Variants in IL5 observed in about 807,000 individuals in gnomAD.
IL5 encodes interleukin 5, also known as interleukin-5.
Under a neutral mutation model 16.3 loss-of-function variants are expected in IL5, and 12 were observed. The ratio of observed to expected loss-of-function variants is 0.74; its 90% CI spans 0.47 to 1.20. IL5 has a LOEUF of 1.20. Among genes scored for constraint, IL5 ranks in the 50% most tolerant of loss-of-function variants. IL5 has a pLI of 0.00. For missense variants in IL5, 159 were observed against 153.9 expected (o/e 1.03, Z -0.17); for synonymous variants, 54 against 56.6 (o/e 0.95, Z 0.21).
intron 1 of IL5, among the ~76,000 whole-genome samples, chr5:132,552,688 T>G (rs1257180273): frequency 6.6e-6 from 1 of 152,174 alleles, no homozygotes; most frequent in Non-Finnish European, 1.5e-5. Context: ...AAAAGATCAT[T>G]TTCTTACATA....
upstream of IL5, among the ~76,000 whole-genome samples, chr5:132,546,096 C>T (rs977531006): frequency 6.6e-6 from 1 of 152,202 alleles, no homozygotes; most frequent in African/African-American, 2.4e-5. Context: ...TATTGGAAGG[C>T]TAGTTATAAA....
At chr5:132,550,329 T>TC (rs2149826276) in intron 1 of IL5, among the ~76,000 whole-genome samples, 1 of 151,246 alleles carries the variant, frequency 6.6e-6, no homozygotes, top group East Asian at 1.9e-4. Context: ...AGAAATCTTT[T>TC]TTTTTTTTTT....
In IL5 at chr5:132,541,752, C is replaced by T; in HGVS notation, c.*59G>A. On this transcript the variant is annotated 3_prime_UTR_variant, in exon 4 of 4. Coordinates refer to ENST00000231454, the MANE Select transcript of IL5 (RefSeq NM_000879.3). ...CTGACTCTTTCTTGGCCCTCATTCT[C>T]ACTGCAGTAAAATGTCCTTCTCCTC... 1 of 1,037,888 alleles carries T rather than the reference C, an allele frequency of 9.6e-7. No homozygotes were observed. Among genetic ancestry groups the T allele is most frequent in the East Asian group, 2.4e-5 (1 of 41,910 alleles). 64.3% of individuals were successfully genotyped at this position (1,037,888 alleles called of 1,614,324 possible).
intron 1 of IL5, 75 bp from the exon 2 acceptor site, chr5:132,543,201 G>C (rs1324303831): frequency 3.4e-6 from 5 of 1,465,910 alleles, no homozygotes; most frequent in Non-Finnish European, 4.8e-6. Flanking sequence ...GTTTGCTGGT[G>C]ATGTAGTTAT....
chr5:132,544,488 A>G (rs780121223), upstream of IL5, among the ~76,000 whole-genome samples: 1 of 152,246 alleles, frequency 6.6e-6, no homozygotes, highest in Non-Finnish European at 1.5e-5. Flanking sequence ...TATCTGTCAC[A>G]GATACACAAT....
Position 132,543,111 on chromosome 5 carries a change from C to T in IL5, c.160G>A (p.Val54Ile). The T allele has an allele frequency of 1.9e-6, 3 of 1,605,788 alleles. No individual in the cohort carries two copies. Among genetic ancestry groups the T allele is most frequent in the Non-Finnish European group, 2.6e-6 (3 of 1,173,202 alleles). ...LIANETLRIP[V>I]PVHKNHQLCT... The stretch of plus-strand genomic sequence containing the variant: ...TAACTTACATTTTTATGTACAGGAA[C>T]AGGAATCCTCAGAGTCTGGAGAGGA... The change falls in exon 2 of 4, where the codon GTT becomes ATT. Residue 54 changes from valine to isoleucine, a missense_variant. Val to Ile is a conservative substitution (Grantham distance 29, BLOSUM62 3). Transcript: ENST00000231454.
At chr5:132,552,276 A>C (rs562859323) in intron 1 of IL5, among the ~76,000 whole-genome samples, 47 of 152,230 alleles carry the variant, frequency 3.1e-4, no homozygotes, top group African/African-American at 6.7e-4. Flanking sequence ...TCAAAAACAA[A>C]AACAACAACA....
chr5:132,550,990 T>C (rs1430985595), intron 1 of IL5, among the ~76,000 whole-genome samples: 2 of 152,244 alleles, frequency 1.3e-5, no homozygotes, highest in Non-Finnish European at 2.9e-5. Flanking sequence ...ACAGTCCTTG[T>C]ATTGTTCAGA....
In IL5 at chr5:132,541,660, G is replaced by T; in HGVS notation, c.*151C>A. On this transcript the variant is annotated 3_prime_UTR_variant, in exon 4 of 4. Transcript: ENST00000231454. The stretch of plus-strand genomic sequence containing the variant: ...TATTTTAAGAATTTTATGCTTTCTG[G>T]CAAAGTGTCAGTATGCCTGAAATAT... 7.9e-6 allele frequency: 4 copies of T among 504,510 alleles called. No homozygotes were observed. The highest frequency in any genetic ancestry group is 3.7e-5 in the South Asian group (1 of 27,290). 31.3% of individuals were successfully genotyped at this position (504,510 alleles called of 1,614,324 possible). A position where few individuals can be genotyped will look rare whatever the true frequency, so the allele number is the denominator to read the frequency against.
At position 132,541,903 on chromosome 5, in the gene IL5, A is replaced by G. The variant is rs1255152928; in HGVS notation, c.313T>C (p.Cys105Arg). ...TTTACTCTCCGTCTTTCTTCTCCAC[A>G]CTTTTTCTGTGAAAAAAGAAAAATG... ...KKYIDGQKKK[C>R]GEERRRVNQF... is the part of the protein sequence containing the mutation. Residue 105 changes from cysteine to arginine, a missense_variant, in exon 4 of 4, where the codon TGT (cysteine) becomes CGT (arginine). Cys to Arg is a radical substitution (Grantham distance 180). Transcript: ENST00000231454. The G allele has an allele frequency of 3.1e-6, 5 of 1,613,296 alleles. No homozygotes were observed. Among genetic ancestry groups the G allele is most frequent in the Admixed American group, 1.7e-5 (1 of 59,952 alleles).
intron 1 of IL5, chr5:132,556,217 T>C (rs957964334): frequency 6.6e-6 from 1 of 152,244 alleles, no homozygotes; most frequent in Admixed American, 6.5e-5. Flanking sequence ...GTAATTTTTA[T>C]GTATGTTTCT....
chr5:132,554,448 G>T (rs1749939369), intron 1 of IL5, among the ~76,000 whole-genome samples: 2 of 150,744 alleles, frequency 1.3e-5, no homozygotes, highest in Admixed American at 6.6e-5. Context: ...CACATGAAAT[G>T]ATGCTACTAA....
Position 132,542,088 on chromosome 5 carries a change from GTT to G in IL5, c.231_232del (p.Gln77HisfsTer22). ...TCTTTCCACAGTACCCCCTTGCACAGTTTGACTCTCCAGTGTGCCTATTCCCT... is the reference window on the plus strand; with the variant it reads ...TCTTTCCACAGTACCCCCTTGCACAGTGACTCTCCAGTGTGCCTATTCCCT... On this transcript the variant is annotated frameshift_variant, in exon 3 of 4. Transcript: ENST00000231454. LOFTEE classifies it high-confidence loss of function. 6.2e-7 allele frequency: 1 copy of G among 1,613,042 alleles called. No individual in the cohort carries two copies. Among genetic ancestry groups the G allele is most frequent in the Non-Finnish European group, 8.5e-7 (1 of 1,179,204 alleles).
At chr5:132,552,294 C>A (rs1986009) in intron 1 of IL5, among the ~76,000 whole-genome samples, 24,963 of 151,876 alleles carry the variant, frequency 0.16, 2,334 homozygotes, top group Non-Finnish European at 0.21. Context: ...ACAACAACAA[C>A]AAAAAACAAA....
At chr5:132,542,610 A>G (rs1167890352) in intron 2 of IL5, among the ~76,000 whole-genome samples, 2 of 152,220 alleles carry the variant, frequency 1.3e-5, no homozygotes, top group Non-Finnish European at 2.9e-5. Flanking sequence ...ACATTTTAAT[A>G]TGACCAGGAC....
chr5:132,541,694 C>T lies in IL5; in HGVS notation c.*117G>A, dbSNP rs1300477654. The T allele has an allele frequency of 8.6e-6, 5 of 579,728 alleles. No individual in the cohort carries two copies. The highest frequency in any genetic ancestry group is 2.6e-5 in the South Asian group (1 of 38,240). The allele number at this position is 579,728 out of a possible 1,614,324, so 35.9% of individuals were successfully genotyped here. ...CAGTATGCCTGAAATATTTACTTTC[C>T]CTCTGAAGTTAAATTATACTGAAAA... is the stretch of plus-strand genomic sequence containing the variant. On this transcript the variant is annotated 3_prime_UTR_variant, in exon 4 of 4. Coordinates refer to ENST00000231454, the MANE Select transcript of IL5 (RefSeq NM_000879.3).
intron 1 of IL5, among the ~76,000 whole-genome samples, chr5:132,553,844 C>T (rs1749924041): frequency 1.4e-5 from 2 of 146,898 alleles, no homozygotes; most frequent in Admixed American, 1.4e-4. Flanking sequence ...GAGGCTGAGG[C>T]AGTAGAATGG....
At chr5:132,555,689 G>C (rs1028871884) in intron 1 of IL5, among the ~76,000 whole-genome samples, 4 of 152,226 alleles carry the variant, frequency 2.6e-5, no homozygotes, top group Non-Finnish European at 5.9e-5. Flanking sequence ...CTAATTTTTT[G>C]TGTTTTCAGT....
In IL5 at chr5:132,543,107, G is replaced by A. The variant is rs770483682; in HGVS notation, c.164C>T (p.Pro55Leu). ...AATTTAACTTACATTTTTATGTACA[G>A]GAACAGGAATCCTCAGAGTCTGGAG... ...IANETLRIPV[P>L]VHKNHQLCTE... The change falls in exon 2 of 4, where the codon CCT becomes CTT. Residue 55 changes from proline to leucine, a missense_variant. Coordinates refer to ENST00000231454, the MANE Select transcript of IL5 (RefSeq NM_000879.3). 3.7e-6 allele frequency: 6 copies of A among 1,604,676 alleles called. No homozygotes were observed. Among genetic ancestry groups the A allele is most frequent in the South Asian group, 1.1e-5 (1 of 90,424 alleles).
Sources: gnomAD v4.1 joint callset for allele counts (sites outside exome capture counted in the v4.1 genomes callset) on GRCh38, gnomAD v4.1.1 for gene constraint, MANE v1.5 for transcripts, NCBI Gene and HGNC (gene_info 2026-07-23, HGNC 2026-07-21) for gene names.